MTHFD2L: variants seen among roughly 807,000 people sequenced by gnomAD.
The protein encoded by MTHFD2L is methylenetetrahydrofolate dehydrogenase (NADP+ dependent) 2 like.
In MTHFD2L, 29 loss-of-function variants were observed where a neutral mutation model predicts 34.9. The ratio of observed to expected loss-of-function variants is 0.83; its 90% CI spans 0.62 to 1.13. MTHFD2L has a LOEUF of 1.13. MTHFD2L is among the 50% of genes most tolerant of loss of function. The probability of loss-of-function intolerance (pLI) is 0.00; values close to 1 mark genes in which losing one functional copy is unlikely to be tolerated. For missense variants in MTHFD2L, 481 were observed against 446.5 expected, an observed-to-expected ratio of 1.08 and a Z score of -0.70; for synonymous variants, 167 against 155.7, an observed-to-expected ratio of 1.07 and a Z score of -0.54.
intron 5 of MTHFD2L, among the ~76,000 whole-genome samples, chr4:74,220,984 A>G (rs1203162089): frequency 6.6e-6 from 1 of 150,852 alleles, no homozygotes; most frequent in Admixed American, 6.6e-5. Context: ...TATTTATTTT[A>G]TAGGATCTAA....
At chr4:74,188,332 G>C (rs1731727641) in intron 3 of MTHFD2L, among the ~76,000 whole-genome samples, 2 of 152,162 alleles carry the variant, frequency 1.3e-5, no homozygotes, top group African/African-American at 4.8e-5. Context: ...TTTCTTCCTA[G>C]CTTGCAGACA....
chr4:74,182,263 A>G (rs1730334730), intron 3 of MTHFD2L, among the ~76,000 whole-genome samples: 1 of 152,192 alleles, frequency 6.6e-6, no homozygotes. Context: ...TGTTGAAGAA[A>G]TGAGTGAATC....
intron 1 of MTHFD2L, among the ~76,000 whole-genome samples, chr4:74,147,013 T>G (rs943836055): frequency 8.5e-5 from 13 of 152,154 alleles, no homozygotes; most frequent in Non-Finnish European, 1.5e-4. Context: ...TTAATTTTCT[T>G]TAATACATTT....
At chr4:74,263,587 T>G (rs1011407754) in intron 6 of MTHFD2L, among the ~76,000 whole-genome samples, 2 of 152,010 alleles carry the variant, frequency 1.3e-5, no homozygotes, top group South Asian at 2.1e-4. Context: ...TTACTCTTTT[T>G]GTGGTAATTG....
At chr4:74,115,686 G>T (rs190765530) in intron 2 of MTHFD2L, among the ~76,000 whole-genome samples, 6 of 152,332 alleles carry the variant, frequency 3.9e-5, no homozygotes, top group Non-Finnish European at 7.3e-5. Flanking sequence ...TAATGGCATT[G>T]CCCTTTAGTG....
chr4:74,241,965 T>C (rs1403089654), intron 6 of MTHFD2L: 1 of 153,744 alleles, frequency 6.5e-6, no homozygotes, highest in Non-Finnish European at 1.4e-5. Flanking sequence ...CAAGGACAGG[T>C]TGATGTGGGA....
chr4:74,252,426 G>A (rs1012052214), intron 6 of MTHFD2L, among the ~76,000 whole-genome samples: 1 of 151,914 alleles, frequency 6.6e-6, no homozygotes, highest in African/African-American at 2.4e-5. Context: ...GAAAACCTGA[G>A]GGTGAGGAAA....
At chr4:74,125,055 T>A (rs1000304495), upstream of MTHFD2L, among the ~76,000 whole-genome samples, 3 of 152,162 alleles carry the variant, frequency 2.0e-5, no homozygotes, top group African/African-American at 7.2e-5. Context: ...TTTTTTGATA[T>A]AAGCAAATTC....
chr4:74,232,801 C>T (rs1028043527), intron 6 of MTHFD2L, among the ~76,000 whole-genome samples: 6 of 152,140 alleles, frequency 3.9e-5, no homozygotes, highest in South Asian at 2.1e-4. Flanking sequence ...ACACCATGTA[C>T]GTGCTTCTTC....
chr4:74,211,591 T>C (rs955446509), intron 5 of MTHFD2L, among the ~76,000 whole-genome samples: 1 of 152,218 alleles, frequency 6.6e-6, no homozygotes, highest in African/African-American at 2.4e-5. Flanking sequence ...TTTGCCAGTA[T>C]TTTACTGAGG....
chr4:74,138,367 T>C (rs1419506598), intron 1 of MTHFD2L, among the ~76,000 whole-genome samples: 1 of 152,114 alleles, frequency 6.6e-6, no homozygotes, highest in East Asian at 1.9e-4. Context: ...GGCGGGCTGC[T>C]CCCAATACGG....
chr4:74,238,833 A>G (rs1741250710), intron 6 of MTHFD2L, among the ~76,000 whole-genome samples: 2 of 152,208 alleles, frequency 1.3e-5, no homozygotes, highest in Non-Finnish European at 2.9e-5. Flanking sequence ...AAAAGTCAGG[A>G]AACAACAGAT....
At chr4:74,193,711 A>G (rs1394569808) in intron 3 of MTHFD2L, among the ~76,000 whole-genome samples, 2 of 152,118 alleles carry the variant, frequency 1.3e-5, no homozygotes, top group Admixed American at 1.3e-4. Flanking sequence ...GTAAAATTTC[A>G]TTTTTCTGAT....
intron 6 of MTHFD2L, among the ~76,000 whole-genome samples, chr4:74,255,574 A>G (rs889906757): frequency 6.6e-6 from 1 of 152,136 alleles, no homozygotes; most frequent in African/African-American, 2.4e-5. Flanking sequence ...GGTTTGGGGT[A>G]TGAAATGATT....
intron 6 of MTHFD2L, among the ~76,000 whole-genome samples, chr4:74,242,660 T>TG (rs759595176): frequency 1.3e-5 from 2 of 152,238 alleles, no homozygotes; most frequent in Non-Finnish European, 2.9e-5. Flanking sequence ...TTTTTGGCTA[T>TG]GGCTGCCACG....
chr4:74,261,982 A>G (rs1189912973), intron 6 of MTHFD2L, among the ~76,000 whole-genome samples: 1 of 152,068 alleles, frequency 6.6e-6, no homozygotes, highest in African/African-American at 2.4e-5. Flanking sequence ...ACAGAGTAGT[A>G]TTTTATTCTG....
chr4:74,296,832 C>T (rs1421474065), intron 7 of MTHFD2L, among the ~76,000 whole-genome samples: 1 of 152,018 alleles, frequency 6.6e-6, no homozygotes, highest in Non-Finnish European at 1.5e-5. Context: ...TACTAAGTCT[C>T]ACTGATGAAT....
intron 6 of MTHFD2L, among the ~76,000 whole-genome samples, chr4:74,261,730 G>A (rs896784983): frequency 6.6e-6 from 1 of 152,018 alleles, no homozygotes; most frequent in African/African-American, 2.4e-5. Flanking sequence ...TAAGAATAAA[G>A]ATTAATTGGA....
chr4:74,265,454 G>T (rs913247980), intron 6 of MTHFD2L, among the ~76,000 whole-genome samples: 2 of 152,182 alleles, frequency 1.3e-5, no homozygotes, highest in Non-Finnish European at 2.9e-5. Flanking sequence ...CATACTCTCA[G>T]TGTGGATTGG....
Sources: allele counts gnomAD v4.1 joint callset (sites outside exome capture counted in the v4.1 genomes callset), GRCh38; gene constraint gnomAD v4.1.1; transcripts MANE v1.5; gene names NCBI Gene and HGNC (gene_info 2026-07-23, HGNC 2026-07-21).